Variants in ALKBH1 observed in about 807,000 individuals in gnomAD.
ALKBH1 encodes the protein nucleic acid dioxygenase ALKBH1.
In ALKBH1, 31 loss-of-function variants were observed where a neutral mutation model predicts 36.6. That is an observed-to-expected ratio of 0.85 (90% CI 0.64 to 1.14). The LOEUF is 1.14. Among genes scored for constraint, ALKBH1 ranks in the 50% most tolerant of loss-of-function variants. The pLI is 0.00. For missense variants in ALKBH1, 490 were observed against 497.3 expected, an observed-to-expected ratio of 0.99 and a Z score of 0.14; for synonymous variants, 183 against 186.6, an observed-to-expected ratio of 0.98 and a Z score of 0.16.
intron 3 of ALKBH1, among the ~76,000 whole-genome samples, chr14:77,690,360 T>C (rs935361902): frequency 1.3e-5 from 2 of 152,212 alleles, no homozygotes; most frequent in African/African-American, 4.8e-5. Flanking sequence ...TTTCTAAATG[T>C]GATGATGTTA....
chr14:77,703,660 C>T (rs61993668), intron 2 of ALKBH1, among the ~76,000 whole-genome samples: 23,092 of 146,018 alleles, frequency 0.16, 1,906 homozygotes, highest in East Asian at 0.25. Context: ...TGCAATGGCG[C>T]GATCTTGGCT....
intron 3 of ALKBH1, chr14:77,683,269 T>G (rs2080248820): frequency 2.6e-6 from 2 of 778,682 alleles, no homozygotes; most frequent in Non-Finnish European, 4.7e-6. Context: ...TCTCACAAAG[T>G]GTGCTTCTCT....
chr14:77,680,677 CT>C (rs1555383644), intron 3 of ALKBH1, among the ~76,000 whole-genome samples: 12,784 of 124,312 alleles, frequency 0.1, 1,127 homozygotes, highest in African/African-American at 0.23. Flanking sequence ...ATTAACTACT[CT>C]TTTTTTTTTT....
intron 3 of ALKBH1, chr14:77,683,201 A>G (rs1486137167): frequency 1.5e-6 from 1 of 647,662 alleles, no homozygotes; most frequent in Non-Finnish European, 2.9e-6. Context: ...TTTAACACCT[A>G]TTATGCTATG....
chr14:77,706,583 T>C (rs986761119), intron 1 of ALKBH1, among the ~76,000 whole-genome samples: 5 of 152,204 alleles, frequency 3.3e-5, no homozygotes, highest in African/African-American at 1.2e-4. Context: ...AGCTTTCATG[T>C]ACTCAACACA....
At chr14:77,705,507 A>G (rs556046988) in intron 1 of ALKBH1, among the ~76,000 whole-genome samples, 1 of 152,264 alleles carries the variant, frequency 6.6e-6, no homozygotes, top group South Asian at 2.1e-4. Flanking sequence ...GTCTGCTAAA[A>G]GTAAAAGCTA....
chr14:77,704,297 G>A, intron 2 of ALKBH1, 72 bp downstream of exon 2: 1 of 1,107,540 alleles, frequency 9.0e-7, no homozygotes, highest in South Asian at 1.3e-5. Flanking sequence ...CTCACACACA[G>A]TACCTTCTTT....
chr14:77,680,709 C>T lies in ALKBH1; in HGVS notation c.456-739G>A, dbSNP rs555311072. On this transcript the variant is annotated intron_variant, in intron 3 of 5. Transcript: ENST00000216489. ...TTTTTTTTTTTTTGAGACAGAGTTTCGCTCTTGTTGCCCAGGCTGGAGTGC... is the reference window on the plus strand; with the variant it reads ...TTTTTTTTTTTTTGAGACAGAGTTTTGCTCTTGTTGCCCAGGCTGGAGTGC... Among the ~76,000 whole-genome samples the T allele has an allele frequency of 1.1e-4, 14 of 123,254 alleles. 1 individual carries two copies. The highest frequency in any genetic ancestry group is 4.4e-4 in the East Asian group (2 of 4,526). 80.9% of individuals were successfully genotyped at this position (123,254 alleles called of 152,430 possible).
intron 2 of ALKBH1, among the ~76,000 whole-genome samples, chr14:77,696,254 T>C (rs1446881899): frequency 6.6e-6 from 1 of 152,072 alleles, no homozygotes; most frequent in Non-Finnish European, 1.5e-5. Flanking sequence ...AGTGGTGTGA[T>C]CCTGCTTCTC....
chr14:77,674,697 C>G (rs2080703), intron 5 of ALKBH1, among the ~76,000 whole-genome samples: 2 of 151,738 alleles, frequency 1.3e-5, no homozygotes, highest in African/African-American at 4.8e-5. Flanking sequence ...GGATTACAGG[C>G]GTGTGCCACC....
At chr14:77,692,776 G>A (rs2080304469) in intron 3 of ALKBH1, among the ~76,000 whole-genome samples, 1 of 151,596 alleles carries the variant, frequency 6.6e-6, no homozygotes, top group Non-Finnish European at 1.5e-5. Flanking sequence ...TATAATGTCT[G>A]TCCCTGCACC....
At chr14:77,681,326 C>T (rs2080236916) in intron 3 of ALKBH1, among the ~76,000 whole-genome samples, 1 of 152,104 alleles carries the variant, frequency 6.6e-6, no homozygotes, top group Non-Finnish European at 1.5e-5. Context: ...GTTGGGGCTT[C>T]TTGGCAGAGT....
At position 77,673,087 on chromosome 14, in the gene ALKBH1, A is replaced by G. The variant is rs550059697; in HGVS notation, c.*725T>C. The G allele has an allele frequency of 2.0e-5, 3 of 152,358 alleles. No homozygotes were observed. In the East Asian group the frequency reaches 5.8e-4, roughly 29 times the overall value. 9.4% of individuals were successfully genotyped at this position (152,358 alleles called of 1,614,324 possible). A position where few individuals can be genotyped will look rare whatever the true frequency, so the allele number is the denominator to read the frequency against. Reference sequence around the variant, plus strand: ...GAGTTTATTCATGGAGAAAACAGTAACAAAACACCCTTGGGACTTTTTTAT... The same window carrying G: ...GAGTTTATTCATGGAGAAAACAGTAGCAAAACACCCTTGGGACTTTTTTAT... On this transcript the variant is annotated 3_prime_UTR_variant, in exon 6 of 6. Transcript: ENST00000216489.
chr14:77,685,049 T>C (rs1300070505), intron 3 of ALKBH1, among the ~76,000 whole-genome samples: 2 of 152,262 alleles, frequency 1.3e-5, no homozygotes, highest in Non-Finnish European at 2.9e-5. Flanking sequence ...CACAGGTTTA[T>C]GTTATTAACA....
chr14:77,703,297 C>CTT (rs879794546), intron 2 of ALKBH1, among the ~76,000 whole-genome samples: 9 of 140,648 alleles, frequency 6.4e-5, no homozygotes, highest in South Asian at 2.3e-4. Flanking sequence ...TTAGGACTTT[C>CTT]TTTTTTTTTT....
At position 77,674,250 on chromosome 14, in the gene ALKBH1, A is replaced by G. The variant is rs367644939; in HGVS notation, c.741-9T>C. The G allele has an allele frequency of 1.9e-6, 3 of 1,542,952 alleles. No individual in the cohort carries two copies. The African/African-American group carries it at 4.2e-5, about 21-fold the overall frequency. On this transcript the variant is annotated splice_polypyrimidine_tract_variant and intron_variant, in intron 5 of 5. Transcript: ENST00000216489. ...TGGCGGACTGTCCAAAGCTACAAAA[A>G]ATAAGTAAAAACACACAACAATAAA...
intron 4 of ALKBH1, among the ~76,000 whole-genome samples, chr14:77,678,313 C>G (rs560905179): frequency 2.6e-5 from 4 of 152,124 alleles, no homozygotes; most frequent in South Asian, 2.1e-4. Flanking sequence ...TAGTTTCCTA[C>G]TGAGTCTGTA....
intron 3 of ALKBH1, among the ~76,000 whole-genome samples, chr14:77,680,612 T>C (rs2066188482): frequency 6.6e-6 from 1 of 151,838 alleles, no homozygotes; most frequent in Non-Finnish European, 1.5e-5. Context: ...GAGGTTTCTG[T>C]ACAACCGAGA....
chr14:77,696,049 G>A (rs184614438), intron 2 of ALKBH1, among the ~76,000 whole-genome samples: 5 of 152,170 alleles, frequency 3.3e-5, no homozygotes, highest in African/African-American at 1.2e-4. Flanking sequence ...CCAAGATCAC[G>A]TCACTGCACT....
Sources: gnomAD v4.1 joint callset for allele counts (sites outside exome capture counted in the v4.1 genomes callset) on GRCh38, gnomAD v4.1.1 for gene constraint, MANE v1.5 for transcripts, NCBI Gene and HGNC (gene_info 2026-07-23, HGNC 2026-07-21) for gene names.